The following MICA variants were observed in gnomAD, a reference collection of about 807,000 sequenced individuals.
MICA encodes the protein MHC class I polypeptide-related sequence A, also known as HLA class I antigen.
MICA carries 18 observed loss-of-function variants against 34.3 expected under a neutral mutation model. The observed-to-expected ratio is 0.52, with a 90% CI of 0.36 to 0.78. The LOEUF (loss-of-function observed/expected upper bound fraction) is 0.78. Ranked by LOEUF, MICA falls within the 30% of genes least tolerant of loss-of-function variation. The pLI, the probability that MICA is intolerant of heterozygous loss-of-function variation, is 0.00. For missense variants in MICA, 333 were observed against 409.4 expected (o/e 0.81, Z 1.61); for synonymous variants, 135 against 156.9 (o/e 0.86, Z 1.04).
rs71563329 is a variant in MICA, at chr6:31,404,785, A to G, written c.70+1083A>G. On this transcript the variant is annotated intron_variant, in intron 1 of 5. Coordinates refer to ENST00000449934, the MANE Select transcript of MICA (RefSeq NM_001177519.3). ...AGATGCCCCCTCCCCTCCAGTGCAG[A>G]TGCCTGCTCTGGACCCTGCCTCATG... Among the ~76,000 whole-genome samples, 1,078 of 151,616 alleles carry G rather than the reference A, an allele frequency of 7.1e-3. 19 individuals are homozygous for G. The highest frequency in any genetic ancestry group is 0.048 in the East Asian group (246 of 5,102).
chr6:31,413,684 G>A (rs540156599), intron 5 of MICA, among the ~76,000 whole-genome samples: 1 of 151,924 alleles, frequency 6.6e-6, no homozygotes, highest in African/African-American at 2.4e-5. Flanking sequence ...CCTGCAGCAA[G>A]AGGGCCCTGT....
upstream of MICA, among the ~76,000 whole-genome samples, chr6:31,401,830 G>GGTT (rs1770447153): frequency 1.3e-5 from 2 of 151,824 alleles, 1 homozygote. Context: ...TAACAACCTA[G>GGTT]GTTGTGGCTG....
Position 31,415,288 on chromosome 6 carries a change from T to A in MICA, c.*306T>A. 2 of 508,498 alleles carry A rather than the reference T, an allele frequency of 3.9e-6. No individual in the cohort carries two copies. Among genetic ancestry groups the A allele is most frequent in the Non-Finnish European group, 7.1e-6 (2 of 281,070 alleles). 31.5% of individuals were successfully genotyped at this position (508,498 alleles called of 1,614,324 possible). A position where few individuals can be genotyped will look rare whatever the true frequency, so the allele number is the denominator to read the frequency against. On this transcript the variant is annotated 3_prime_UTR_variant, in exon 6 of 6. Coordinates refer to ENST00000449934, the MANE Select transcript of MICA (RefSeq NM_001177519.3). ...GGAGGCTGCAAAATGTTAGTAGATA[T>A]GAGGCATTTGCAGCTGTGCCATATT...
intron 1 of MICA, among the ~76,000 whole-genome samples, chr6:31,406,687 G>A (rs894586547): frequency 6.6e-5 from 10 of 151,786 alleles, no homozygotes; most frequent in African/African-American, 2.4e-4. Context: ...CATAGTTTGA[G>A]GTCATAGATT....
chr6:31,411,411 C>G lies in MICA; in HGVS notation c.613+52C>G. On this transcript the variant is annotated intron_variant, in intron 3 of 5. Coordinates refer to ENST00000449934, the MANE Select transcript of MICA (RefSeq NM_001177519.3). The surrounding 1 kb of genome is among the most constrained non-coding windows in gnomAD (Gnocchi z 4.3). ...TCTCCCTCCAATTCTGCTAGAGTTG[C>G]CTCACCTCCCAGATGTGTCCAGGGA... is the stretch of plus-strand genomic sequence containing the variant. 1 of 1,495,726 alleles carries G rather than the reference C, an allele frequency of 6.7e-7. No homozygotes were observed. The allele number at this position is 1,495,726 out of a possible 1,614,324, so 92.7% of individuals were successfully genotyped here. A position where few individuals can be genotyped will look rare whatever the true frequency, so the allele number is the denominator to read the frequency against.
intron 5 of MICA, among the ~76,000 whole-genome samples, chr6:31,413,606 T>C (rs1271716834): frequency 4.0e-5 from 6 of 151,798 alleles, no homozygotes; most frequent in Admixed American, 3.9e-4. Context: ...TGGTTTCTCA[T>C]CCTTGAACCT....
At position 31,411,368 on chromosome 6, in the gene MICA, G is replaced by A. The variant is rs746427235; in HGVS notation, c.613+9G>A. 3.2e-6 allele frequency: 5 copies of A among 1,548,150 alleles called. 1 individual carries two copies. The highest frequency in any genetic ancestry group is 2.7e-5 in the African/African-American group (2 of 72,898). On this transcript the variant is annotated intron_variant, in intron 3 of 5. Transcript: ENST00000449934. This position sits in a 1 kb window ranked among gnomAD's most constrained non-coding sequence, Gnocchi z 4.3. ...AGTCCTGAGGAGAACAGGTACCGACGCTGGCCAGGGGCTCTCCTCTCCCTC... is the reference window on the plus strand; with the variant it reads ...AGTCCTGAGGAGAACAGGTACCGACACTGGCCAGGGGCTCTCCTCTCCCTC...
At chr6:31,413,075 T>G (rs2596557) in intron 5 of MICA, among the ~76,000 whole-genome samples, 25,417 of 151,654 alleles carry the variant, frequency 0.17, 2,574 homozygotes, top group South Asian at 0.26. Context: ...TCTGTCCACT[T>G]TGCAGCTCCC....
Position 31,415,142 on chromosome 6 carries a change from T to C in MICA, c.*160T>C. ...CTGGCTCCACTGAGGGCACCTAGAC[T>C]CTACAGCCAGGCGGCTGGAATTGAA... On this transcript the variant is annotated 3_prime_UTR_variant, in exon 6 of 6. Transcript: ENST00000449934. 1 of 1,023,346 alleles carries C rather than the reference T, an allele frequency of 9.8e-7. No individual in the cohort carries two copies. Among genetic ancestry groups the C allele is most frequent in the Non-Finnish European group, 1.5e-6 (1 of 660,518 alleles). 63.4% of individuals were successfully genotyped at this position (1,023,346 alleles called of 1,614,324 possible).
chr6:31,412,021 T>G lies in MICA; in HGVS notation c.688T>G (p.Phe230Val). The change falls in exon 4 of 6, where the codon TTC (phenylalanine) becomes GTC (valine). Residue 230 changes from phenylalanine to valine, a missense_variant. Transcript: ENST00000449934. ...NITVTCRASS[F>V]YPRNIILTWR... The stretch of plus-strand genomic sequence containing the variant: ...CACCGTGACATGCAGGGCTTCCAGC[T>G]TCTATCCCCGGAATATCATACTGAC... 4.3e-6 allele frequency: 7 copies of G among 1,613,092 alleles called. No individual in the cohort carries two copies. Among genetic ancestry groups the G allele is most frequent in the Non-Finnish European group, 5.9e-6 (7 of 1,179,808 alleles).
intron 5 of MICA, 146 bp downstream of exon 5, chr6:31,412,606 G>T: frequency 1.6e-6 from 1 of 638,266 alleles, no homozygotes; most frequent in Non-Finnish European, 2.7e-6. Flanking sequence ...AGGGAATGGG[G>T]GCAGCATCTC....
intron 5 of MICA, among the ~76,000 whole-genome samples, chr6:31,414,527 G>T (rs556405664): frequency 2.0e-5 from 3 of 152,138 alleles, no homozygotes; most frequent in Admixed American, 2.0e-4. Context: ...GGGGTCCCCA[G>T]TTAGGAGCTG....
In MICA at chr6:31,403,673, T is replaced by TC; in HGVS notation, c.44dup (p.Ala17CysfsTer8). The TC allele has an allele frequency of 6.5e-7, 1 of 1,533,282 alleles. No individual in the cohort carries two copies. Among genetic ancestry groups the TC allele is most frequent in the South Asian group, 1.2e-5 (1 of 82,750 alleles). 95.0% of individuals were successfully genotyped at this position (1,533,282 alleles called of 1,614,324 possible). A position where few individuals can be genotyped will look rare whatever the true frequency, so the allele number is the denominator to read the frequency against. On this transcript the variant is annotated frameshift_variant, in exon 1 of 6. Transcript: ENST00000449934. LOFTEE classifies it high-confidence loss of function. This position sits in a 1 kb window ranked among gnomAD's most constrained non-coding sequence, Gnocchi z 4.7. ...GTCTTTCTGCTTCTGGCTGGCATCT[T>TC]CCCTTTTGCACCTCCGGGAGCTGCT...
In MICA at chr6:31,411,005, G is replaced by A. The variant is rs554813182; in HGVS notation, c.326-67G>A. 6.7e-7 allele frequency: 1 copy of A among 1,499,524 alleles called. No homozygotes were observed. The highest frequency in any genetic ancestry group is 8.9e-7 in the Non-Finnish European group (1 of 1,122,894). 92.9% of individuals were successfully genotyped at this position (1,499,524 alleles called of 1,614,324 possible). A position where few individuals can be genotyped will look rare whatever the true frequency, so the allele number is the denominator to read the frequency against. On this transcript the variant is annotated intron_variant, in intron 2 of 5. Transcript: ENST00000449934. This position sits in a 1 kb window ranked among gnomAD's most constrained non-coding sequence, Gnocchi z 4.3. ...GCCAGGGAGGCATACCCCCTGGGCT[G>A]AGTTCCTCACTTGGGTGGAAAGGTG...
Position 31,410,622 on chromosome 6 carries a change from T to G in MICA, c.150T>G (p.His50Gln). The G allele has an allele frequency of 1.9e-6, 3 of 1,613,542 alleles. No homozygotes were observed. Among genetic ancestry groups the G allele is most frequent in the Non-Finnish European group, 2.5e-6 (3 of 1,180,004 alleles). The change falls in exon 2 of 6, where the codon CAT (histidine) becomes CAG (glutamine). Residue 50 changes from histidine (H) to glutamine (Q), a missense_variant. By Grantham distance (24) the His-to-Gln change is conservative. Transcript: ENST00000449934. ...AGTCAGGGTTTCTTGCTGAGGTACA[T>G]CTGGATGGTCAGCCCTTCCTGCGCT... is the stretch of plus-strand genomic sequence containing the variant. ...SVQSGFLAEV[H>Q]LDGQPFLRYD...
chr6:31,410,877 T>A (rs17200249), intron 2 of MICA, 80 bp downstream of exon 2: 339,897 of 1,495,114 alleles, frequency 0.23, 42,221 homozygotes, highest in African/African-American at 0.38. Context: ...ACCTGTCTCT[T>A]CCCACTGGAT....
intron 1 of MICA, among the ~76,000 whole-genome samples, chr6:31,407,636 T>C (rs1382546571): frequency 6.6e-6 from 1 of 152,038 alleles, no homozygotes; most frequent in Non-Finnish European, 1.5e-5. Flanking sequence ...TAAATGGGAT[T>C]CGTTTCTTGA....
intron 2 of MICA, 91 bp from the exon 3 acceptor site, chr6:31,410,981 C>G: frequency 6.8e-7 from 1 of 1,479,682 alleles, no homozygotes; most frequent in Non-Finnish European, 9.0e-7. Context: ...TGGAGGAGGG[C>G]CAGGGAGGCA....
chr6:31,401,070 G>A (rs1237593472), upstream of MICA, among the ~76,000 whole-genome samples: 1 of 151,682 alleles, frequency 6.6e-6, no homozygotes, highest in East Asian at 1.9e-4. Flanking sequence ...TTTTGGGGGC[G>A]AGCTGAATCA....
Sources: allele counts gnomAD v4.1 joint callset (sites outside exome capture counted in the v4.1 genomes callset), GRCh38; gene constraint gnomAD v4.1.1; non-coding constraint Gnocchi (gnomAD v3.1); transcripts MANE v1.5; gene names NCBI Gene and HGNC (gene_info 2026-07-23, HGNC 2026-07-21).